PHC3: variants seen among roughly 807,000 people sequenced by gnomAD.
PHC3 encodes polyhomeotic-like protein 3.
In PHC3, 13 loss-of-function variants were observed where a neutral mutation model predicts 107.4. The observed-to-expected ratio is 0.12, with a 90% confidence interval of 0.08 to 0.19. The LOEUF is 0.19. Among genes scored for constraint, PHC3 ranks in the 10% least tolerant of loss-of-function variants. The pLI, the probability that PHC3 is intolerant of heterozygous loss-of-function variation, is 1.00. For synonymous variants in PHC3, 456 were observed against 427.4 expected, an observed-to-expected ratio of 1.07 and a Z score of -0.83; for missense variants, 992 against 1,210.9, an observed-to-expected ratio of 0.82 and a Z score of 2.68.
intron 4 of PHC3, among the ~76,000 whole-genome samples, chr3:170,166,580 AC>A (rs1241678514): frequency 6.6e-6 from 1 of 152,178 alleles, no homozygotes; most frequent in Non-Finnish European, 1.5e-5. Flanking sequence ...TCACTATTAT[AC>A]ATCCTGCATA....
intron 5 of PHC3, chr3:170,147,645 T>C (rs1333558974): frequency 1.3e-5 from 2 of 152,204 alleles, no homozygotes; most frequent in Non-Finnish European, 2.9e-5. Flanking sequence ...GTAAAGTATA[T>C]GGGAGGATAT....
Position 170,129,134 on chromosome 3 carries a change from T to C in PHC3, c.1338A>G (p.Pro446=). The change falls in exon 8 of 15, where the codon CCA becomes CCG. Residue 446 remains proline, a synonymous_variant. Coordinates refer to ENST00000495893, the MANE Select transcript of PHC3 (RefSeq NM_024947.4). ...PLVSSALQPG[P]NLQQSTANQV... is the part of the protein sequence containing the mutation. ...GATTAGCAGTGGACTGCTGCAAATT[T>C]GGCCCTGGCTGGAGAGCTGATGACA... 6.2e-7 allele frequency: 1 copy of C among 1,613,758 alleles called. No homozygotes were observed. The highest frequency in any genetic ancestry group is 8.5e-7 in the Non-Finnish European group (1 of 1,179,768).
rs1713846301 is a variant in PHC3 at position 170,089,444 on chromosome 3, C to CTATA, written c.*7782_*7785dup. The CTATA allele has an allele frequency of 6.6e-6, 1 of 152,122 alleles. No homozygotes were observed. The highest frequency in any genetic ancestry group is 6.6e-5 in the Admixed American group (1 of 15,266). The allele number at this position is 152,122 out of a possible 1,614,324, so 9.4% of individuals were successfully genotyped here. A position where few individuals can be genotyped will look rare whatever the true frequency, so the allele number is the denominator to read the frequency against. The stretch of plus-strand genomic sequence containing the variant: ...TCTACATTTAAAGGATGCCCTTTTA[C>CTATA]TATATATGTGCTTTCTAGAATATTA... On this transcript the variant is annotated 3_prime_UTR_variant, in exon 15 of 15. Coordinates refer to ENST00000495893, the MANE Select transcript of PHC3 (RefSeq NM_024947.4).
intron 4 of PHC3, among the ~76,000 whole-genome samples, chr3:170,160,453 G>C (rs1345495788): frequency 6.6e-6 from 1 of 152,152 alleles, no homozygotes; most frequent in Non-Finnish European, 1.5e-5. Context: ...TGTACCACCA[G>C]AGCAAGCAGC....
At chr3:170,181,660 GC>G (rs747442940) in intron 1 of PHC3, 41 bp downstream of exon 1, 3 of 1,612,448 alleles carry the variant, frequency 1.9e-6, no homozygotes, top group East Asian at 2.2e-5. Flanking sequence ...GCCCCAACTC[GC>G]CCCCCCTAGT....
intron 7 of PHC3, among the ~76,000 whole-genome samples, chr3:170,131,330 T>C (rs954017912): frequency 7.2e-5 from 11 of 152,210 alleles, no homozygotes; most frequent in Non-Finnish European, 1.2e-4. Context: ...CAGCGTGCCC[T>C]TCATCCAAGG....
chr3:170,132,034 G>A (rs1722336577), intron 7 of PHC3, among the ~76,000 whole-genome samples: 1 of 152,048 alleles, frequency 6.6e-6, no homozygotes, highest in Admixed American at 6.6e-5. Flanking sequence ...ATAATTAGGT[G>A]GCTATGTGAA....
intron 11 of PHC3, among the ~76,000 whole-genome samples, chr3:170,112,775 C>T (rs1242952437): frequency 6.6e-6 from 1 of 152,144 alleles, no homozygotes. Context: ...CTGCCTGCCT[C>T]GGCCTCCCGA....
intron 2 of PHC3, among the ~76,000 whole-genome samples, chr3:170,175,636 A>AGG (rs1475014809): frequency 1.3e-5 from 2 of 148,742 alleles, no homozygotes; most frequent in Non-Finnish European, 3.0e-5. Context: ...AAAAAAAAAA[A>AGG]GGGGGGGGCC....
In PHC3 at chr3:170,102,680, C is replaced by G; in HGVS notation, c.2632G>C (p.Asp878His). Residue 878 changes from aspartate to histidine, a missense_variant, in exon 14 of 15, where the codon GAC becomes CAC. By Grantham distance (81) the Asp-to-His change is moderately conservative. Coordinates refer to ENST00000495893, the MANE Select transcript of PHC3 (RefSeq NM_024947.4). ...LPITYPSAEE[D>H]LASHEDSVPS... ...ACAGAATCTTCATGAGAAGCCAAGT[C>G]TTCTTCTGCAGATGGATAAGTAATT... is the stretch of plus-strand genomic sequence containing the variant. The G allele has an allele frequency of 6.2e-7, 1 of 1,613,988 alleles. No homozygotes were observed. The highest frequency in any genetic ancestry group is 8.5e-7 in the Non-Finnish European group (1 of 1,179,874).
Position 170,093,220 on chromosome 3 carries a change from A to T in PHC3, c.*4010T>A, listed in dbSNP as rs1416836133. 1.3e-5 allele frequency: 2 copies of T among 152,222 alleles called. No individual in the cohort carries two copies. The highest frequency in any genetic ancestry group is 2.1e-4 in the South Asian group (1 of 4,836). 9.4% of individuals were successfully genotyped at this position (152,222 alleles called of 1,614,324 possible). A position where few individuals can be genotyped will look rare whatever the true frequency, so the allele number is the denominator to read the frequency against. On this transcript the variant is annotated 3_prime_UTR_variant, in exon 15 of 15. Transcript: ENST00000495893. The stretch of plus-strand genomic sequence containing the variant: ...TCCTGCCCCAGCTGCCTCCCTTCCT[A>T]AAGTTAGCCCCCATACGAAATCCTC...
chr3:170,168,770 A>AT, intron 4 of PHC3, among the ~76,000 whole-genome samples: 1 of 151,750 alleles, frequency 6.6e-6, no homozygotes. Context: ...AAAAAAAAAA[A>AT]AAAAATCACC....
Position 170,136,490 on chromosome 3 carries a change from T to C in PHC3, c.848A>G (p.Glu283Gly). 6.2e-7 allele frequency: 1 copy of C among 1,605,886 alleles called. No homozygotes were observed. Among genetic ancestry groups the C allele is most frequent in the Non-Finnish European group, 8.5e-7 (1 of 1,176,588 alleles). ...DPSPESNKKG[E>G]SPSLESRSTA... is the part of the protein sequence containing the mutation. ...GCTTCGTGATTCCAGGCTTGGGCTC[T>C]CTCCTTTCTTATTACTTTCTGGAGA... The change falls in exon 7 of 15, where the codon GAG (glutamate) becomes GGG (glycine). Residue 283 changes from glutamate to glycine, a missense_variant. Glu to Gly is a moderately conservative substitution (Grantham distance 98, BLOSUM62 -2). Coordinates refer to ENST00000495893, the MANE Select transcript of PHC3 (RefSeq NM_024947.4).
intron 8 of PHC3, among the ~76,000 whole-genome samples, chr3:170,125,070 G>C (rs1454579967): frequency 6.6e-6 from 1 of 152,048 alleles, no homozygotes; most frequent in East Asian, 1.9e-4. Flanking sequence ...ATCTGAATCA[G>C]CTACAAAGTA....
chr3:170,126,528 A>ATATATTT (rs370421296), intron 8 of PHC3, among the ~76,000 whole-genome samples: 16 of 90,612 alleles, frequency 1.8e-4, no homozygotes, highest in South Asian at 3.5e-4. Context: ...ATATATATAT[A>ATATATTT]TTTTTTTTTT....
intron 8 of PHC3, among the ~76,000 whole-genome samples, chr3:170,123,523 C>T (rs1278909955): frequency 6.6e-6 from 1 of 152,084 alleles, no homozygotes; most frequent in Admixed American, 6.5e-5. Context: ...GGTGCAGTGG[C>T]TCGTGCCTGC....
At position 170,129,243 on chromosome 3, in the gene PHC3, A is replaced by G. The variant is rs1271005706; in HGVS notation, c.1229T>C (p.Val410Ala). Reference protein sequence around the residue: ...QSQSAQQSVVVSPPPPHSPSQ... With the variant: ...QSQSAQQSVVASPPPPHSPSQ... ...TGGTGAATGAGGTGGTGGAGGAGAC[A>G]CCACTACAGACTGCTGTGCTGACTG... The change falls in exon 8 of 15, where the codon GTG becomes GCG. Residue 410 changes from valine (V) to alanine (A), a missense_variant. By Grantham distance (64) the Val-to-Ala change is moderately conservative (BLOSUM62 0). This residue lies in a region of PHC3 where 543 missense variants were observed against 590.8 expected (regional missense o/e 0.92). Coordinates refer to ENST00000495893, the MANE Select transcript of PHC3 (RefSeq NM_024947.4). 4 of 1,613,512 alleles carry G rather than the reference A, an allele frequency of 2.5e-6. No homozygotes were observed. The highest frequency in any genetic ancestry group is 3.4e-6 in the Non-Finnish European group (4 of 1,179,566).
chr3:170,097,647 G>C lies in PHC3; in HGVS notation c.2834-263C>G, dbSNP rs1005991311. On this transcript the variant is annotated intron_variant, in intron 14 of 14. Transcript: ENST00000495893. This position sits in a 1 kb window ranked among gnomAD's most constrained non-coding sequence, Gnocchi z 4.1. ...AATGTTATAGAAATAATTCATAAGA[G>C]GGAAGTCTAGATATAATACTTCCTT... 6.6e-6 allele frequency among the ~76,000 whole-genome samples: 1 copy of C among 152,122 alleles called. No individual in the cohort carries two copies. Among genetic ancestry groups the C allele is most frequent in the African/African-American group, 2.4e-5 (1 of 41,430 alleles).
chr3:170,156,565 T>C (rs1726932573), intron 4 of PHC3, among the ~76,000 whole-genome samples: 1 of 151,174 alleles, frequency 6.6e-6, no homozygotes, highest in Non-Finnish European at 1.5e-5. Flanking sequence ...TAAGTAGTAA[T>C]AGCTATCCAT....
Sources: allele counts gnomAD v4.1 joint callset (sites outside exome capture counted in the v4.1 genomes callset), GRCh38; gene constraint gnomAD v4.1.1; regional missense constraint gnomAD v4.1.1; non-coding constraint Gnocchi (gnomAD v3.1); transcripts MANE v1.5; gene names NCBI Gene and HGNC (gene_info 2026-07-23, HGNC 2026-07-21).